The following ANK2 variants were observed in gnomAD, a reference collection of about 807,000 sequenced individuals.
ANK2 encodes the protein ankyrin-2.
ANK2 carries 83 observed loss-of-function variants against 360.5 expected under a neutral mutation model. The observed-to-expected ratio is 0.23, with a 90% CI of 0.19 to 0.28. The LOEUF is 0.28. ANK2 is among the 10% of genes least tolerant of loss of function. ANK2 has a pLI of 1.00. For missense variants in ANK2, 4,201 were observed against 4,795.7 expected, an observed-to-expected ratio of 0.88 and a Z score of 3.66; for synonymous variants, 1,740 against 1,759.5, an observed-to-expected ratio of 0.99 and a Z score of 0.28.
At chr4:112,707,773 T>C in the ANK2 span, among the ~76,000 whole-genome samples, 2 of 152,356 alleles carry the variant, frequency 1.3e-5, no homozygotes, top group East Asian at 3.9e-4. Context: ...AGCACTTTTA[T>C]TGATCTAGCA....
upstream of ANK2, among the ~76,000 whole-genome samples, chr4:113,045,708 AAAATGC>A (rs1188205335): frequency 6.6e-6 from 1 of 152,226 alleles, no homozygotes; most frequent in Non-Finnish European, 1.5e-5. Context: ...TATGAATTAT[AAAATGC>A]AAATGTAAGG....
chr4:113,290,561 G>T (rs2067032754), intron 20 of ANK2, among the ~76,000 whole-genome samples: 2 of 152,064 alleles, frequency 1.3e-5, no homozygotes, highest in South Asian at 4.1e-4. Flanking sequence ...TTTGTGAAGA[G>T]GGTTTAGAAC....
chr4:112,904,180 G>A (rs1580874052), intron 1 of ANK2, among the ~76,000 whole-genome samples: 1 of 152,164 alleles, frequency 6.6e-6, no homozygotes. Context: ...TGATTGAATG[G>A]ACATTCTCAT....
At chr4:112,725,847 T>C in the ANK2 span, among the ~76,000 whole-genome samples, 7 of 152,114 alleles carry the variant, frequency 4.6e-5, no homozygotes, top group Non-Finnish European at 1.0e-4. Flanking sequence ...TTCTCGAAGA[T>C]TGGTAGCACA....
At chr4:113,293,321 A>C (rs1211943407) in intron 21 of ANK2, 119 bp from the exon 22 acceptor site, 2 of 877,360 alleles carry the variant, frequency 2.3e-6, no homozygotes, top group African/African-American at 3.3e-5. Context: ...TGATTTTCCT[A>C]AGCTGTGCCT....
intron 27 of ANK2, 25 bp downstream of exon 27, chr4:113,330,495 A>G (rs1216980927): frequency 2.5e-6 from 4 of 1,609,866 alleles, no homozygotes; most frequent in Non-Finnish European, 2.5e-6. Context: ...TAAACCTCCC[A>G]CTTAGTCATC....
the ANK2 span, among the ~76,000 whole-genome samples, chr4:112,732,990 C>T: frequency 1.3e-5 from 2 of 151,670 alleles, no homozygotes; most frequent in East Asian, 3.9e-4. Flanking sequence ...AGGCTGAGGC[C>T]AGTAAATCAC....
upstream of ANK2, chr4:113,049,606 T>G: frequency 6.6e-7 from 1 of 1,504,236 alleles, no homozygotes; most frequent in Non-Finnish European, 8.9e-7. Context: ...ACCCTCCCAG[T>G]GCGCGCCCCT....
intron 1 of ANK2, among the ~76,000 whole-genome samples, chr4:112,822,469 G>T (rs185226465): frequency 6.6e-6 from 1 of 151,524 alleles, no homozygotes; most frequent in Admixed American, 6.6e-5. Context: ...TTCAGGCTGG[G>T]CATAGTAGCT....
chr4:113,151,466 T>G (rs2097080904), intron 1 of ANK2, among the ~76,000 whole-genome samples: 1 of 152,008 alleles, frequency 6.6e-6, no homozygotes, highest in East Asian at 1.9e-4. Flanking sequence ...TTGTTAATGA[T>G]CAGCCATCAG....
intron 4 of ANK2, among the ~76,000 whole-genome samples, chr4:113,217,505 T>G (rs1267932716): frequency 6.6e-6 from 1 of 152,234 alleles, no homozygotes; most frequent in Non-Finnish European, 1.5e-5. Context: ...CCGATTTTGT[T>G]GAAGACATTT....
At chr4:113,175,917 T>C (rs1207296888) in intron 2 of ANK2, among the ~76,000 whole-genome samples, 1 of 152,218 alleles carries the variant, frequency 6.6e-6, no homozygotes, top group East Asian at 1.9e-4. Flanking sequence ...AAAGGCATTC[T>C]GCTGTGGCCC....
intron 1 of ANK2, 45 bp downstream of exon 1, chr4:113,049,857 G>A (rs754306612): frequency 6.3e-7 from 1 of 1,599,062 alleles, no homozygotes; most frequent in Non-Finnish European, 8.6e-7. Flanking sequence ...ATATGTATGT[G>A]TGTGCATGTG....
At chr4:112,958,444 A>C (rs554136977) in intron 2 of ANK2, among the ~76,000 whole-genome samples, 2 of 152,060 alleles carry the variant, frequency 1.3e-5, no homozygotes, top group East Asian at 3.9e-4. Flanking sequence ...AAATACGAAA[A>C]ACAGCCAGGC....
At chr4:113,163,080 G>T (rs1476182723) in intron 1 of ANK2, among the ~76,000 whole-genome samples, 1 of 152,082 alleles carries the variant, frequency 6.6e-6, no homozygotes, top group Non-Finnish European at 1.5e-5. Flanking sequence ...AAACTGGGAA[G>T]CAATTTTCTT....
chr4:113,198,582 G>A (rs566645023), intron 3 of ANK2, among the ~76,000 whole-genome samples: 223 of 152,164 alleles, frequency 1.5e-3, no homozygotes, highest in African/African-American at 5.2e-3. Flanking sequence ...TAAGCAGCTC[G>A]TTTCTCTACC....
At chr4:112,786,949 A>T in the ANK2 span, among the ~76,000 whole-genome samples, 8 of 151,750 alleles carry the variant, frequency 5.3e-5, no homozygotes, top group African/African-American at 1.7e-4. Context: ...GGGATTCGCC[A>T]TGTTGGCCAG....
rs770405996 is a variant in ANK2, at chr4:113,240,494, A to G, written c.703A>G (p.Thr235Ala). Residue 235 changes from threonine to alanine, a missense_variant, in exon 8 of 46, where the codon ACC (threonine) becomes GCC (alanine). Around this residue, in one of 4 missense-constraint regions of ANK2, gnomAD observed 122 missense variants for 239.3 expected, o/e 0.51. Coordinates refer to ENST00000357077, the MANE Select transcript of ANK2 (RefSeq NM_001148.6). ...MVNRTTESGFTPLHIAAHYGN... is the reference protein window; with the variant it reads ...MVNRTTESGFAPLHIAAHYGN... ...ATCTTTGCTTTCATAGAGTGGTTTT[A>G]CCCCTTTGCACATAGCTGCACATTA... 1.2e-6 allele frequency: 2 copies of G among 1,613,630 alleles called. No individual in the cohort carries two copies. The highest frequency in any genetic ancestry group is 1.7e-6 in the Non-Finnish European group (2 of 1,179,626).
At chr4:113,009,955 C>T (rs957996737) in intron 2 of ANK2, among the ~76,000 whole-genome samples, 11 of 152,098 alleles carry the variant, frequency 7.2e-5, no homozygotes, top group African/African-American at 2.7e-4. Context: ...CACTCACACA[C>T]ACGTGCTTGT....
Sources: allele counts gnomAD v4.1 joint callset (sites outside exome capture counted in the v4.1 genomes callset), GRCh38; gene constraint gnomAD v4.1.1; regional missense constraint gnomAD v4.1.1; transcripts MANE v1.5; gene names NCBI Gene and HGNC (gene_info 2026-07-23, HGNC 2026-07-21).